The following TLN2 variants were observed in gnomAD, a reference collection of about 807,000 sequenced individuals.
The protein encoded by TLN2 is talin 2, also known as talin-2.
TLN2 carries 118 observed loss-of-function variants against 294.7 expected under a neutral mutation model. The ratio of observed to expected loss-of-function variants is 0.40; its 90% CI spans 0.34 to 0.47. TLN2 has a LOEUF of 0.47. Among genes scored for constraint, TLN2 ranks in the 20% least tolerant of loss-of-function variants. The pLI, the probability that TLN2 is intolerant of heterozygous loss-of-function variation, is 0.84. For synonymous variants in TLN2, 1,431 were observed against 1,304.5 expected (o/e 1.10, Z -2.09); for missense variants, 3,083 against 3,282.2 (o/e 0.94, Z 1.48).
rs773504124 is a variant in TLN2, at chr15:62,809,945, T to C, written c.6684T>C (p.Asp2228=). The C allele has an allele frequency of 6.2e-7, 1 of 1,614,178 alleles. No individual in the cohort carries two copies. The highest frequency in any genetic ancestry group is 8.5e-7 in the Non-Finnish European group (1 of 1,180,030). ...TCCAGCAAGCATCCTTCCACCCCGATGTCAGTGACGAGGTGAGAACCAGAG... is the reference window on the plus strand; with the variant it reads ...TCCAGCAAGCATCCTTCCACCCCGACGTCAGTGACGAGGTGAGAACCAGAG... The part of the protein sequence containing the change: ...TACKQASFHP[D]VSDEVRTRAL... Residue 2228 remains aspartate, a synonymous_variant, in exon 52 of 59, where the codon GAT becomes GAC. Coordinates refer to ENST00000636159, the MANE Select transcript of TLN2 (RefSeq NM_015059.3).
At chr15:62,548,298 A>T (rs1003750412) in intron 1 of TLN2, among the ~76,000 whole-genome samples, 1 of 152,178 alleles carries the variant, frequency 6.6e-6, no homozygotes, top group African/African-American at 2.4e-5. Flanking sequence ...GGGGACAGTT[A>T]TAGAGTCTTA....
At chr15:62,592,461 C>T (rs964190669) in intron 2 of TLN2, among the ~76,000 whole-genome samples, 1 of 152,142 alleles carries the variant, frequency 6.6e-6, no homozygotes, top group Non-Finnish European at 1.5e-5. Context: ...TTATTCTCTT[C>T]CCTTTTTAGG....
At chr15:62,837,266 T>C (rs2069793736) in intron 57 of TLN2, among the ~76,000 whole-genome samples, 1 of 152,170 alleles carries the variant, frequency 6.6e-6, no homozygotes, top group South Asian at 2.1e-4. Context: ...CAGGGAAAAA[T>C]TGAGGAGCTG....
At chr15:62,505,569 C>G (rs902361038) in intron 1 of TLN2, among the ~76,000 whole-genome samples, 1 of 152,124 alleles carries the variant, frequency 6.6e-6, no homozygotes, top group Non-Finnish European at 1.5e-5. Context: ...TTGCACAACT[C>G]TGTAATTTAT....
intron 1 of TLN2, among the ~76,000 whole-genome samples, chr15:62,499,509 G>A (rs566758376): frequency 4.6e-5 from 7 of 152,270 alleles, no homozygotes; most frequent in South Asian, 2.1e-4. Context: ...TTAAGCAAAC[G>A]TATTTTAAAA....
rs548565103 is a variant in TLN2 at position 62,731,671 on chromosome 15, A to G, written c.3358+4482A>G. Among the ~76,000 whole-genome samples, 150 of 152,324 alleles carry G rather than the reference A, an allele frequency of 9.8e-4. 2 individuals carry two copies. The highest frequency in any genetic ancestry group is 6.5e-5 in the Admixed American group (1 of 15,304). On this transcript the variant is annotated intron_variant, in intron 28 of 58. Coordinates refer to ENST00000636159, the MANE Select transcript of TLN2 (RefSeq NM_015059.3). ...AGAAACTTTACTCAGCTTCTTGGCA[A>G]TAGGTTACAAATTAGGAAATGCCTT...
At chr15:62,785,662 A>AAG (rs1183411743) in intron 45 of TLN2, among the ~76,000 whole-genome samples, 2 of 151,760 alleles carry the variant, frequency 1.3e-5, no homozygotes, top group Non-Finnish European at 2.9e-5. Flanking sequence ...AAAAAAAAAA[A>AAG]AAAAGGGGAA....
intron 1 of TLN2, among the ~76,000 whole-genome samples, chr15:62,564,897 C>T (rs1200961221): frequency 8.7e-6 from 1 of 115,404 alleles, no homozygotes; most frequent in African/African-American, 3.6e-5. Flanking sequence ...GACAGAAAAA[C>T]TCCATCTCAA....
intron 32 of TLN2, 58 bp from the exon 33 acceptor site, chr15:62,748,293 G>T (rs561177193): frequency 5.5e-5 from 71 of 1,296,514 alleles, no homozygotes; most frequent in African/African-American, 4.9e-4. Flanking sequence ...GCAAAGCATT[G>T]TAGGGGAAAT....
intron 1 of TLN2, among the ~76,000 whole-genome samples, chr15:62,555,934 CTTT>C (rs11356198): frequency 7.7e-4 from 93 of 120,104 alleles, no homozygotes; most frequent in African/African-American, 2.2e-3. Context: ...ATTTTTTAAA[CTTT>C]TTTTTTTTTT....
chr15:62,587,586 C>CA (rs1567148231), intron 1 of TLN2, among the ~76,000 whole-genome samples: 1 of 152,178 alleles, frequency 6.6e-6, no homozygotes, highest in African/African-American at 2.4e-5. Context: ...CAACATGTCT[C>CA]ATATCTGTGG....
At chr15:62,782,281 C>T (rs977911664) in intron 44 of TLN2, among the ~76,000 whole-genome samples, 8 of 152,168 alleles carry the variant, frequency 5.3e-5, no homozygotes, top group African/African-American at 7.2e-5. Context: ...TAAAAGAATT[C>T]GGGCTGGGGA....
chr15:62,648,910 A>C (rs2052252509), intron 4 of TLN2, among the ~76,000 whole-genome samples: 1 of 151,940 alleles, frequency 6.6e-6, no homozygotes, highest in Non-Finnish European at 1.5e-5. Context: ...CAGTGGCCCC[A>C]TCACACTTCA....
intron 5 of TLN2, among the ~76,000 whole-genome samples, chr15:62,650,932 T>C (rs73435614): frequency 0.022 from 3,344 of 152,272 alleles, 133 homozygotes; most frequent in African/African-American, 0.073. Context: ...TTGTCATTAA[T>C]GTATTTTAAC....
intron 1 of TLN2, among the ~76,000 whole-genome samples, chr15:62,495,103 A>T (rs398933): frequency 1.3e-5 from 2 of 152,232 alleles, no homozygotes; most frequent in East Asian, 1.9e-4. Flanking sequence ...TGCACTTGCA[A>T]TTGCACTGTG....
chr15:62,452,558 C>A (rs563930551), intron 1 of TLN2, among the ~76,000 whole-genome samples: 17 of 152,326 alleles, frequency 1.1e-4, no homozygotes, highest in African/African-American at 3.8e-4. Flanking sequence ...ATCTCCAGAA[C>A]TCTTTCATCT....
chr15:62,826,791 T>G (rs1325724823), intron 54 of TLN2, among the ~76,000 whole-genome samples: 2 of 152,232 alleles, frequency 1.3e-5, no homozygotes, highest in Non-Finnish European at 2.9e-5. Flanking sequence ...ACTCCTGTTG[T>G]GGGAGTTCTA....
At chr15:62,597,701 A>T (rs1388799703) in intron 2 of TLN2, among the ~76,000 whole-genome samples, 2 of 150,840 alleles carry the variant, frequency 1.3e-5, no homozygotes, top group Non-Finnish European at 3.0e-5. Context: ...TTCAGATTTC[A>T]TTTTTTTTTC....
In TLN2 at chr15:62,629,758, A is replaced by G. The variant is rs547921874; in HGVS notation, c.-37+11283A>G. On this transcript the variant is annotated intron_variant, in intron 3 of 58. Transcript: ENST00000636159. ...ATTTTCTGCTCATCTTTCAAAGTGT[A>G]TGTTTTTGAGTACATTTTGTTTTTG... 2.0e-5 allele frequency among the ~76,000 whole-genome samples: 3 copies of G among 152,298 alleles called. No individual in the cohort carries two copies. The East Asian group carries it at 5.8e-4, about 29-fold the overall frequency.
Sources: gnomAD v4.1 joint callset for allele counts (sites outside exome capture counted in the v4.1 genomes callset) on GRCh38, gnomAD v4.1.1 for gene constraint, MANE v1.5 for transcripts, NCBI Gene and HGNC (gene_info 2026-07-23, HGNC 2026-07-21) for gene names.